KCNH1: variants seen among roughly 807,000 people sequenced by gnomAD.
KCNH1 encodes potassium voltage-gated channel subfamily H member 1, also known as voltage-gated delayed rectifier potassium channel KCNH1.
KCNH1 carries 27 observed loss-of-function variants against 69.2 expected under a neutral mutation model. The ratio of observed to expected loss-of-function variants is 0.39; its 90% CI spans 0.29 to 0.54. The LOEUF (loss-of-function observed/expected upper bound fraction) is 0.54, where lower values mean the gene tolerates loss of function less well. KCNH1 is among the 20% of genes least tolerant of loss of function. The probability of loss-of-function intolerance (pLI) is 0.68; values close to 1 mark genes in which losing one functional copy is unlikely to be tolerated. For missense variants in KCNH1, 798 were observed against 1,261.6 expected, an observed-to-expected ratio of 0.63 and a Z score of 5.57; for synonymous variants, 456 against 487.7, an observed-to-expected ratio of 0.93 and a Z score of 0.86.
intron 6 of KCNH1, among the ~76,000 whole-genome samples, chr1:211,005,541 C>T (rs1382433337): frequency 6.6e-6 from 1 of 152,006 alleles, no homozygotes; most frequent in Non-Finnish European, 1.5e-5. Context: ...GATACTAGGT[C>T]AACTGGATAC....
intron 10 of KCNH1, among the ~76,000 whole-genome samples, chr1:210,764,463 C>G (rs997591867): frequency 2.0e-5 from 3 of 152,040 alleles, no homozygotes; most frequent in African/African-American, 7.2e-5. Context: ...ATTTACAAAC[C>G]ATGCATCTGA....
chr1:210,839,678 G>C (rs1685364621), intron 7 of KCNH1, among the ~76,000 whole-genome samples: 1 of 152,020 alleles, frequency 6.6e-6, no homozygotes, highest in Admixed American at 6.6e-5. Flanking sequence ...ATTATACTAG[G>C]GAAAGTTCCC....
intron 6 of KCNH1, among the ~76,000 whole-genome samples, chr1:210,983,847 A>G (rs1423008329): frequency 6.6e-6 from 1 of 152,196 alleles, no homozygotes; most frequent in Non-Finnish European, 1.5e-5. Context: ...CATTCAATCT[A>G]TAAATTACTT....
intron 7 of KCNH1, among the ~76,000 whole-genome samples, chr1:210,848,159 G>A (rs991875812): frequency 6.6e-6 from 1 of 152,188 alleles, no homozygotes; most frequent in Non-Finnish European, 1.5e-5. Context: ...TAAAGATAGT[G>A]TCTTATAGAT....
At chr1:210,754,522 C>CG (rs571761339) in intron 10 of KCNH1, among the ~76,000 whole-genome samples, 1 of 152,082 alleles carries the variant, frequency 6.6e-6, no homozygotes, top group African/African-American at 2.4e-5. Context: ...GTGTGGGTCA[C>CG]GGGGGTGGAT....
chr1:210,698,356 A>C (rs1396053285), intron 10 of KCNH1, among the ~76,000 whole-genome samples: 1 of 152,188 alleles, frequency 6.6e-6, no homozygotes, highest in East Asian at 1.9e-4. Flanking sequence ...CCAAGAGCCA[A>C]GGGGTCTGGA....
chr1:211,094,028 C>T (rs1691102202), intron 3 of KCNH1, among the ~76,000 whole-genome samples: 4 of 152,174 alleles, frequency 2.6e-5, no homozygotes, highest in Admixed American at 2.6e-4. Context: ...AACTACATCC[C>T]CCAGCATCAG....
chr1:210,899,050 C>T (rs1501562), intron 7 of KCNH1, among the ~76,000 whole-genome samples: 52,334 of 152,014 alleles, frequency 0.34, 9,149 homozygotes, highest in Non-Finnish European at 0.38. Flanking sequence ...CCGACTATGA[C>T]CCTATTTTAT....
intron 10 of KCNH1, among the ~76,000 whole-genome samples, chr1:210,761,108 C>T (rs201925161): frequency 3.3e-5 from 5 of 150,438 alleles, no homozygotes; most frequent in Non-Finnish European, 3.0e-5. Flanking sequence ...AAAAATTAGC[C>T]GGGCGTAGTG....
chr1:211,126,252 G>A (rs1691774550), intron 1 of KCNH1, among the ~76,000 whole-genome samples: 1 of 152,126 alleles, frequency 6.6e-6, no homozygotes, highest in Non-Finnish European at 1.5e-5. Flanking sequence ...GCTCACGCCT[G>A]TAATCCCAGC....
intron 6 of KCNH1, among the ~76,000 whole-genome samples, chr1:211,008,663 G>C (rs1360383315): frequency 2.0e-5 from 3 of 152,202 alleles, no homozygotes; most frequent in Non-Finnish European, 4.4e-5. Flanking sequence ...TTCAGTGGAG[G>C]GTAGTCTAGG....
chr1:210,992,622 A>G (rs1028934789), intron 6 of KCNH1, among the ~76,000 whole-genome samples: 4 of 152,294 alleles, frequency 2.6e-5, no homozygotes, highest in African/African-American at 9.6e-5. Context: ...GGTTCTATAA[A>G]ACATTTTAAG....
chr1:210,947,703 C>T (rs6675213), intron 6 of KCNH1, among the ~76,000 whole-genome samples: 2 of 152,012 alleles, frequency 1.3e-5, no homozygotes, highest in Non-Finnish European at 2.9e-5. Context: ...CCTACATAAC[C>T]AACAATAGAA....
chr1:210,968,748 A>G (rs529155147), intron 6 of KCNH1, among the ~76,000 whole-genome samples: 17 of 151,872 alleles, frequency 1.1e-4, no homozygotes, highest in African/African-American at 4.1e-4. Context: ...GTTTGTGTTC[A>G]TTGTAGATTC....
At chr1:210,858,195 A>T (rs1472851596) in intron 7 of KCNH1, 1 of 152,212 alleles carries the variant, frequency 6.6e-6, no homozygotes, top group African/African-American at 2.4e-5. Context: ...CAACTCTTTC[A>T]CAGTAGAACT....
At chr1:210,767,902 C>G (rs963691473) in intron 10 of KCNH1, among the ~76,000 whole-genome samples, 1 of 152,148 alleles carries the variant, frequency 6.6e-6, no homozygotes, top group Non-Finnish European at 1.5e-5. Flanking sequence ...AACTTTCCTC[C>G]TCCTTCCTCT....
At chr1:210,937,200 C>T (rs969435314) in intron 6 of KCNH1, among the ~76,000 whole-genome samples, 1 of 152,178 alleles carries the variant, frequency 6.6e-6, no homozygotes, top group Admixed American at 6.6e-5. Flanking sequence ...ATGTTCACTC[C>T]CACTGCTTCT....
Position 210,919,092 on chromosome 1 carries a change from GAGC to G in KCNH1, c.1462+545_1462+547del, listed in dbSNP as rs1336471983. 6.5e-6 allele frequency: 1 copy of G among 153,438 alleles called. No homozygotes were observed. Among genetic ancestry groups the G allele is most frequent in the Non-Finnish European group, 1.5e-5 (1 of 68,908 alleles). The allele number at this position is 153,438 out of a possible 1,614,324, so 9.5% of individuals were successfully genotyped here. ...AATGCCTACAGGAAATTTGCTGAGA[GAGC>G]AGATTTCAAGTGCTTTCACCAAAAA... On this transcript the variant is annotated intron_variant, in intron 7 of 10. Transcript: ENST00000271751. This position sits in a 1 kb window ranked among gnomAD's most constrained non-coding sequence, Gnocchi z 4.2.
chr1:210,767,594 TATC>T (rs1683662182), intron 10 of KCNH1, among the ~76,000 whole-genome samples: 4 of 152,172 alleles, frequency 2.6e-5, no homozygotes, highest in Admixed American at 2.6e-4. Context: ...TACTTACAGA[TATC>T]ATTCAAAATT....
Sources: allele counts gnomAD v4.1 joint callset (sites outside exome capture counted in the v4.1 genomes callset), GRCh38; gene constraint gnomAD v4.1.1; non-coding constraint Gnocchi (gnomAD v3.1); transcripts MANE v1.5; gene names NCBI Gene and HGNC (gene_info 2026-07-23, HGNC 2026-07-21).